Variants in FRK observed in about 807,000 individuals in gnomAD.
FRK encodes the protein tyrosine-protein kinase FRK.
FRK carries 51 observed loss-of-function variants against 56.4 expected under a neutral mutation model. The ratio of observed to expected loss-of-function variants is 0.90; its 90% CI spans 0.72 to 1.14. FRK has a LOEUF of 1.14. Ranked by LOEUF, FRK falls within the 50% of genes most tolerant of loss-of-function variation. The pLI is 0.00. For missense variants in FRK, 570 were observed against 601.4 expected (o/e 0.95, Z 0.55); for synonymous variants, 245 against 217.9 (o/e 1.12, Z -1.10).
intron 5 of FRK, among the ~76,000 whole-genome samples, chr6:115,945,834 C>G (rs2114519512): frequency 6.6e-6 from 1 of 152,210 alleles, no homozygotes; most frequent in African/African-American, 2.4e-5. Flanking sequence ...GGCAAAGTTT[C>G]TCCCACTACT....
At chr6:116,096,928 C>A in the FRK span, among the ~76,000 whole-genome samples, 6 of 152,166 alleles carry the variant, frequency 3.9e-5, no homozygotes, top group African/African-American at 1.2e-4. Flanking sequence ...GACCAAGAAC[C>A]CCCTGGAAGG....
intron 1 of FRK, among the ~76,000 whole-genome samples, chr6:116,052,873 A>G (rs1011104868): frequency 6.6e-6 from 1 of 152,170 alleles, no homozygotes; most frequent in African/African-American, 2.4e-5. Flanking sequence ...ATCCATTTAG[A>G]CAGAAGTAAA....
In FRK at chr6:116,004,012, T is replaced by G; in HGVS notation, c.345-14A>C. ...CCAAAGAACCACCTAAAAAGAGAGA[T>G]ATGTAAATGTTAAGTAACCAATTAA... On this transcript the variant is annotated splice_polypyrimidine_tract_variant and intron_variant, in intron 1 of 7. Transcript: ENST00000606080. 4.4e-6 allele frequency: 7 copies of G among 1,607,616 alleles called. No homozygotes were observed. Among genetic ancestry groups the G allele is most frequent in the East Asian group, 2.2e-5 (1 of 44,782 alleles).
Position 115,943,136 on chromosome 6 carries a change from A to C in FRK, c.1190T>G (p.Val397Gly). The change falls in exon 7 of 8, where the codon GTG (valine) becomes GGG (glycine). Residue 397 changes from valine (V) to glycine (G), a missense_variant. By Grantham distance (109) the Val-to-Gly change is moderately radical. Coordinates refer to ENST00000606080, the MANE Select transcript of FRK (RefSeq NM_002031.3). The part of the protein sequence containing the change: ...YESRHEIKLP[V>G]KWTAPEAIRS... ...AATGGCTTCGGGCGCAGTCCACTTC[A>C]CCGGCAGCTTTATTTCGTGTCTAGA... 1 of 1,612,956 alleles carries C rather than the reference A, an allele frequency of 6.2e-7. No individual in the cohort carries two copies. Among genetic ancestry groups the C allele is most frequent in the South Asian group, 1.1e-5 (1 of 90,982 alleles).
At chr6:116,032,735 G>T (rs1297036537) in intron 1 of FRK, among the ~76,000 whole-genome samples, 2 of 151,898 alleles carry the variant, frequency 1.3e-5, no homozygotes, top group Non-Finnish European at 2.9e-5. Context: ...GAGGGAGGGA[G>T]AAACATCTTT....
In FRK at chr6:115,965,148, C is replaced by T. The variant is rs1163470100; in HGVS notation, c.799+2403G>A. Among the ~76,000 whole-genome samples the T allele has an allele frequency of 9.3e-3, 1,287 of 138,272 alleles. 18 individuals carry two copies. Among genetic ancestry groups the T allele is most frequent in the African/African-American group, 0.034 (1,231 of 36,628 alleles). The allele number at this position is 138,272 out of a possible 152,430, so 90.7% of individuals were successfully genotyped here. ...TGGGAGAAAATTTTCGCAACCTACT[C>T]ATCTGACAAAGGGCTAATATCCAGA... On this transcript the variant is annotated intron_variant, in intron 4 of 7. Transcript: ENST00000606080.
At chr6:115,989,941 C>T (rs1774533793) in intron 2 of FRK, among the ~76,000 whole-genome samples, 1 of 151,894 alleles carries the variant, frequency 6.6e-6, no homozygotes, top group South Asian at 2.1e-4. Flanking sequence ...ACATCCTCAC[C>T]AATATCTGTT....
At chr6:115,986,300 G>A (rs954379051) in intron 2 of FRK, among the ~76,000 whole-genome samples, 3 of 152,058 alleles carry the variant, frequency 2.0e-5, no homozygotes, top group African/African-American at 7.2e-5. Context: ...TCACATAGCA[G>A]CAGCTCCTTT....
At chr6:116,023,746 C>T (rs1351099546) in intron 1 of FRK, among the ~76,000 whole-genome samples, 1 of 152,146 alleles carries the variant, frequency 6.6e-6, no homozygotes, top group East Asian at 1.9e-4. Flanking sequence ...CGAAGCCAGC[C>T]TGGGCAACAT....
At chr6:116,064,678 A>G (rs1209930679), upstream of FRK, among the ~76,000 whole-genome samples, 1 of 152,074 alleles carries the variant, frequency 6.6e-6, no homozygotes, top group African/African-American at 2.4e-5. Context: ...CTCCTAACCC[A>G]GTTTTCCTGC....
At chr6:115,960,257 C>A (rs955474478) in intron 4 of FRK, among the ~76,000 whole-genome samples, 1 of 151,032 alleles carries the variant, frequency 6.6e-6, no homozygotes, top group Non-Finnish European at 1.5e-5. Context: ...CAGGGAGTTC[C>A]CTTTCCGAGT....
chr6:116,067,322 A>G, the FRK span, among the ~76,000 whole-genome samples: 2 of 152,212 alleles, frequency 1.3e-5, no homozygotes, highest in Non-Finnish European at 1.5e-5. Context: ...AGTCTTTGGT[A>G]CTTTATTACA....
chr6:115,958,520 C>G (rs1286178965), intron 4 of FRK, among the ~76,000 whole-genome samples: 1 of 151,246 alleles, frequency 6.6e-6, no homozygotes, highest in South Asian at 2.1e-4. Flanking sequence ...CCCAGCTACT[C>G]GGGAGGCTGA....
the FRK span, among the ~76,000 whole-genome samples, chr6:116,092,087 T>C: frequency 6.6e-6 from 1 of 152,176 alleles, no homozygotes; most frequent in South Asian, 2.1e-4. Context: ...TTCTAGTTTC[T>C]CCTATAAGAA....
intron 4 of FRK, among the ~76,000 whole-genome samples, chr6:115,966,090 A>AAAG (rs147303517): frequency 0.91 from 129,757 of 142,156 alleles, 59,418 homozygotes; most frequent in Non-Finnish European, 0.96. Flanking sequence ...CTTAAAAAAA[A>AAAG]AAGAAGTATT....
intron 1 of FRK, among the ~76,000 whole-genome samples, chr6:116,059,095 G>C (rs1777512956): frequency 6.6e-6 from 1 of 152,046 alleles, no homozygotes; most frequent in South Asian, 2.1e-4. Context: ...GTCACTACTA[G>C]AATAATCTCC....
At chr6:116,098,044 C>A in the FRK span, among the ~76,000 whole-genome samples, 58 of 145,988 alleles carry the variant, frequency 4.0e-4, no homozygotes, top group Non-Finnish European at 7.5e-4. Context: ...AGTCCAAGAT[C>A]AAGGCGCTGT....
chr6:115,943,211 C>T (rs201637193), intron 6 of FRK, 26 bp from the exon 7 acceptor site: 66 of 1,523,828 alleles, frequency 4.3e-5, no homozygotes, highest in Non-Finnish European at 5.3e-5. Context: ...GGAATCAGGC[C>T]GAGTTAAAGC....
At chr6:116,058,533 C>T (rs944976824) in intron 1 of FRK, among the ~76,000 whole-genome samples, 1 of 152,092 alleles carries the variant, frequency 6.6e-6, no homozygotes, top group African/African-American at 2.4e-5. Flanking sequence ...CAGTAAGGGA[C>T]GCTCACATAA....
Sources: allele counts gnomAD v4.1 joint callset (sites outside exome capture counted in the v4.1 genomes callset), GRCh38; gene constraint gnomAD v4.1.1; transcripts MANE v1.5; gene names NCBI Gene and HGNC (gene_info 2026-07-23, HGNC 2026-07-21).